Variants in PTPRD observed in about 807,000 individuals in gnomAD.
The protein encoded by PTPRD is protein tyrosine phosphatase receptor type D.
In PTPRD, 34 loss-of-function variants were observed where a neutral mutation model predicts 214.5. The observed-to-expected ratio is 0.16, with a 90% confidence interval of 0.12 to 0.21. The LOEUF is 0.21. PTPRD is among the 10% of genes least tolerant of loss of function. PTPRD has a pLI of 1.00. For synonymous variants in PTPRD, 1,128 were observed against 845.7 expected, an observed-to-expected ratio of 1.33 and a Z score of -5.79; for missense variants, 2,545 against 2,398.7, an observed-to-expected ratio of 1.06 and a Z score of -1.27.
intron 8 of PTPRD, among the ~76,000 whole-genome samples, chr9:9,560,085 G>A (rs752887946): frequency 9.2e-5 from 14 of 152,196 alleles, no homozygotes; most frequent in Non-Finnish European, 1.9e-4. Flanking sequence ...ACCAACCACA[G>A]CAGGTACTCT....
Position 8,598,906 on chromosome 9 carries a change from G to T in PTPRD, c.352+34411C>A, listed in dbSNP as rs181846229. On this transcript the variant is annotated intron_variant, in intron 14 of 45. Transcript: ENST00000381196. ...TAGCAAAAGATACAGAGTGTATAGAGTTCTGCTCCTTTGCTGGAAAAGGAG... is the reference window on the plus strand; with the variant it reads ...TAGCAAAAGATACAGAGTGTATAGATTTCTGCTCCTTTGCTGGAAAAGGAG... Among the ~76,000 whole-genome samples, 10 of 152,272 alleles carry T rather than the reference G, an allele frequency of 6.6e-5. No individual in the cohort carries two copies. In the East Asian group the frequency reaches 1.9e-3, roughly 29 times the overall value.
intron 2 of PTPRD, among the ~76,000 whole-genome samples, chr9:10,592,739 T>C (rs1238370669): frequency 1.3e-5 from 2 of 151,904 alleles, no homozygotes; most frequent in African/African-American, 2.4e-5. Context: ...AGCAAGAAGA[T>C]TGTAAAACAC....
At position 8,749,330 on chromosome 9, in the gene PTPRD, G is replaced by A. The variant is rs544056341; in HGVS notation, c.-103-15384C>T. 8.5e-4 allele frequency among the ~76,000 whole-genome samples: 130 copies of A among 152,192 alleles called. 1 individual carries two copies. Among genetic ancestry groups the A allele is most frequent in the Non-Finnish European group, 1.3e-4 (9 of 68,022 alleles). On this transcript the variant is annotated intron_variant, in intron 11 of 45. Transcript: ENST00000381196. ...ATCTCCCTGAGCAGCTGGGATTACA[G>A]GCAGGTACCACCATGCCCAGCTAAT...
intron 11 of PTPRD, among the ~76,000 whole-genome samples, chr9:8,928,070 T>G (rs2098916329): frequency 6.6e-6 from 1 of 152,166 alleles, no homozygotes; most frequent in African/African-American, 2.4e-5. Context: ...CCTTGTAAAT[T>G]TGTTAAAATT....
intron 5 of PTPRD, among the ~76,000 whole-genome samples, chr9:9,892,077 TAAA>T (rs2073522218): frequency 6.6e-6 from 1 of 152,130 alleles, no homozygotes; most frequent in Non-Finnish European, 1.5e-5. Context: ...CATTCATTCA[TAAA>T]ATGAGTATTT....
chr9:9,860,914 T>C (rs78946835), intron 5 of PTPRD, among the ~76,000 whole-genome samples: 1,902 of 152,322 alleles, frequency 0.012, 31 homozygotes, highest in African/African-American at 0.043. Flanking sequence ...ATCTGAAAAC[T>C]GGCAACTCTT....
chr9:9,671,596 G>A (rs2096833857), intron 7 of PTPRD, among the ~76,000 whole-genome samples: 1 of 152,096 alleles, frequency 6.6e-6, no homozygotes, highest in Admixed American at 6.6e-5. Flanking sequence ...CACATCTTGT[G>A]GGAGGGACCC....
intron 2 of PTPRD, among the ~76,000 whole-genome samples, chr9:10,440,423 C>A (rs112049326): frequency 0.015 from 2,232 of 151,690 alleles, 42 homozygotes; most frequent in African/African-American, 0.049. Context: ...ATGAACACTC[C>A]ATAGAAATAT....
intron 5 of PTPRD, among the ~76,000 whole-genome samples, chr9:9,878,130 A>T (rs900887579): frequency 6.6e-6 from 1 of 152,170 alleles, no homozygotes; most frequent in South Asian, 2.1e-4. Flanking sequence ...TTCTCAGGAC[A>T]TCCAGCTAGA....
At chr9:9,537,159 G>A (rs753075186) in intron 8 of PTPRD, among the ~76,000 whole-genome samples, 1 of 151,920 alleles carries the variant, frequency 6.6e-6, no homozygotes. Flanking sequence ...GCTACTATGA[G>A]TAAGAAGGTG....
chr9:8,465,753 A>T lies in PTPRD; in HGVS notation c.3505-78T>A, dbSNP rs2134480620. 5 of 1,288,132 alleles carry T rather than the reference A, an allele frequency of 3.9e-6. No homozygotes were observed. The East Asian group carries it at 1.2e-4, about 32-fold the overall frequency. The allele number at this position is 1,288,132 out of a possible 1,614,324, so 79.8% of individuals were successfully genotyped here. A position where few individuals can be genotyped will look rare whatever the true frequency, so the allele number is the denominator to read the frequency against. ...TATTGATAATTTAATGAGATAAATT[A>T]ATTCAGAACTGGGAACAACCCAAAT... is the stretch of plus-strand genomic sequence containing the variant. On this transcript the variant is annotated intron_variant, in intron 31 of 45. Coordinates refer to ENST00000381196, the MANE Select transcript of PTPRD (RefSeq NM_002839.4).
At chr9:10,041,281 T>C (rs1379035255) in intron 3 of PTPRD, among the ~76,000 whole-genome samples, 4 of 151,960 alleles carry the variant, frequency 2.6e-5, no homozygotes, top group Non-Finnish European at 5.9e-5. Flanking sequence ...ACTGACTATA[T>C]CCTTGAAGAG....
chr9:10,489,828 CCAG>C (rs2132619039), intron 2 of PTPRD, among the ~76,000 whole-genome samples: 1 of 152,148 alleles, frequency 6.6e-6, no homozygotes, highest in South Asian at 2.1e-4. Flanking sequence ...TTTCCTCTCC[CCAG>C]CACACAGAAA....
chr9:9,167,211 T>A (rs1245383898), intron 10 of PTPRD, among the ~76,000 whole-genome samples: 1 of 116,768 alleles, frequency 8.6e-6, no homozygotes, highest in Non-Finnish European at 1.9e-5. Flanking sequence ...TCAGATTGCA[T>A]TTTTTTTCTC....
chr9:8,791,046 T>C (rs2096210029), intron 11 of PTPRD, among the ~76,000 whole-genome samples: 1 of 152,092 alleles, frequency 6.6e-6, no homozygotes, highest in African/African-American at 2.4e-5. Flanking sequence ...CTGGTGAATA[T>C]CAAGATTACA....
At chr9:8,381,514 C>T (rs1168015218) in intron 37 of PTPRD, among the ~76,000 whole-genome samples, 3 of 152,158 alleles carry the variant, frequency 2.0e-5, no homozygotes, top group Non-Finnish European at 4.4e-5. Flanking sequence ...AACTGGCAGT[C>T]AGTCTGGTTT....
chr9:9,862,393 G>A (rs544965538), intron 5 of PTPRD, among the ~76,000 whole-genome samples: 2 of 152,298 alleles, frequency 1.3e-5, no homozygotes, highest in Non-Finnish European at 1.5e-5. Flanking sequence ...ACTAACTGCC[G>A]TATATCCAAA....
intron 2 of PTPRD, among the ~76,000 whole-genome samples, chr9:10,604,525 C>T (rs2078821216): frequency 6.6e-6 from 1 of 151,726 alleles, no homozygotes; most frequent in African/African-American, 2.4e-5. Flanking sequence ...GAATAAAGCA[C>T]TAGACTTAAT....
At chr9:8,676,815 C>A (rs1268282001) in intron 12 of PTPRD, among the ~76,000 whole-genome samples, 1 of 152,168 alleles carries the variant, frequency 6.6e-6, no homozygotes, top group African/African-American at 2.4e-5. Flanking sequence ...CTCAGGTGAT[C>A]CACCCGCCTT....
Sources: gnomAD v4.1 joint callset for allele counts (sites outside exome capture counted in the v4.1 genomes callset) on GRCh38, gnomAD v4.1.1 for gene constraint, MANE v1.5 for transcripts, NCBI Gene and HGNC (gene_info 2026-07-23, HGNC 2026-07-21) for gene names.